PPME1: variants seen among roughly 807,000 people sequenced by gnomAD.
PPME1 encodes protein phosphatase methylesterase 1, also known as testicular secretory protein Li 39.
A neutral mutation model predicts 56.9 loss-of-function variants in PPME1; 17 were observed. That is an observed-to-expected ratio of 0.30 (90% CI 0.20 to 0.45). PPME1 has a LOEUF of 0.45. PPME1 is among the 20% of genes least tolerant of loss of function. The probability of loss-of-function intolerance (pLI) is 1.00; values close to 1 mark genes in which losing one functional copy is unlikely to be tolerated. For missense variants in PPME1, 357 were observed against 483.2 expected, an observed-to-expected ratio of 0.74 and a Z score of 2.45; for synonymous variants, 122 against 156.2, an observed-to-expected ratio of 0.78 and a Z score of 1.63.
intron 1 of PPME1, among the ~76,000 whole-genome samples, chr11:74,182,782 A>G (rs1238650667): frequency 6.6e-6 from 1 of 152,132 alleles, no homozygotes; most frequent in Non-Finnish European, 1.5e-5. Context: ...TGCTCTTTTA[A>G]CCACTAGGAA....
At chr11:74,181,443 C>G (rs554114136) in intron 1 of PPME1, among the ~76,000 whole-genome samples, 19 of 152,324 alleles carry the variant, frequency 1.2e-4, no homozygotes, top group Admixed American at 9.8e-4. Flanking sequence ...GCACCTATAA[C>G]AATTTTGGCA....
In PPME1 at chr11:74,246,107, T is replaced by C. The variant is rs1859496548; in HGVS notation, c.866T>C (p.Ile289Thr). The C allele has an allele frequency of 3.8e-6, 6 of 1,572,478 alleles. No individual in the cohort carries two copies. The highest frequency in any genetic ancestry group is 1.7e-4 in the Middle Eastern group (1 of 6,026). Residue 289 changes from isoleucine to threonine, a missense_variant, in exon 10 of 14, where the codon ATT (isoleucine) becomes ACT (threonine). Ile to Thr is a moderately conservative substitution (Grantham distance 89). Transcript: ENST00000328257. The part of the protein sequence containing the change: ...TKKDHPYTWR[I>T]ELAKTEKYWD... Reference sequence around the variant, plus strand: ...AAAGACCATCCATACACCTGGAGAATTGAACTGGCAAAAACAGAAAAATAC... The same window carrying C: ...AAAGACCATCCATACACCTGGAGAACTGAACTGGCAAAAACAGAAAAATAC...
intron 4 of PPME1, 40 bp from the exon 5 acceptor site, chr11:74,225,165 T>C: frequency 2.2e-6 from 3 of 1,336,720 alleles, no homozygotes; most frequent in South Asian, 2.6e-5. Context: ...TTATAATTCC[T>C]GTCTGTGGGA....
chr11:74,227,347 T>A (rs981628921), intron 5 of PPME1, among the ~76,000 whole-genome samples: 1 of 151,658 alleles, frequency 6.6e-6, no homozygotes, highest in South Asian at 2.1e-4. Context: ...ACCAAAAAAA[T>A]TTTTTAATGG....
At chr11:74,200,405 G>A (rs1157372749) in intron 1 of PPME1, among the ~76,000 whole-genome samples, 1 of 143,344 alleles carries the variant, frequency 7.0e-6, no homozygotes, top group Non-Finnish European at 1.5e-5. Context: ...GTGTGTGGAC[G>A]AAGTCTCGCT....
intron 1 of PPME1, among the ~76,000 whole-genome samples, chr11:74,175,268 C>T (rs1180990286): frequency 1.1e-4 from 16 of 152,010 alleles, no homozygotes; most frequent in Non-Finnish European, 1.2e-4. Flanking sequence ...TTTGGGAGGC[C>T]GAGGCGGGTG....
At chr11:74,178,503 GAGAGT>G (rs1274164474) in intron 1 of PPME1, among the ~76,000 whole-genome samples, 1 of 152,246 alleles carries the variant, frequency 6.6e-6, no homozygotes, top group Admixed American at 6.5e-5. Context: ...TTAGGGAAGA[GAGAGT>G]GGGAAGTGGG....
intron 3 of PPME1, among the ~76,000 whole-genome samples, chr11:74,213,688 C>T (rs1296154738): frequency 3.3e-5 from 5 of 152,232 alleles, no homozygotes; most frequent in Non-Finnish European, 7.3e-5. Context: ...GAATCTCTGT[C>T]TGGTAATCCA....
intron 1 of PPME1, among the ~76,000 whole-genome samples, chr11:74,176,954 C>T (rs1356757862): frequency 6.6e-6 from 1 of 151,934 alleles, no homozygotes; most frequent in African/African-American, 2.4e-5. Context: ...TGCTCTTGAA[C>T]TCCTGGCCCC....
At chr11:74,231,066 A>C in intron 7 of PPME1, 64 bp downstream of exon 7, 1 of 1,390,526 alleles carries the variant, frequency 7.2e-7, no homozygotes, top group South Asian at 1.2e-5. Context: ...TTGCTTATTT[A>C]TTTATTTAGG....
intron 4 of PPME1, among the ~76,000 whole-genome samples, chr11:74,223,945 T>G (rs1228788742): frequency 2.0e-5 from 3 of 151,446 alleles, no homozygotes; most frequent in African/African-American, 7.3e-5. Flanking sequence ...CTCTTTAGTT[T>G]AATTAGATCC....
chr11:74,244,098 G>A (rs1353834862), intron 9 of PPME1, among the ~76,000 whole-genome samples: 2 of 152,310 alleles, frequency 1.3e-5, no homozygotes, highest in African/African-American at 4.8e-5. Flanking sequence ...TATGCAGCAT[G>A]TGATAGCATT....
chr11:74,218,958 T>C (rs891642602), intron 3 of PPME1, among the ~76,000 whole-genome samples: 1 of 151,940 alleles, frequency 6.6e-6, no homozygotes, highest in African/African-American at 2.4e-5. Flanking sequence ...ACCCACAGAA[T>C]GGGAGAAAAT....
chr11:74,176,117 T>C (rs1330588449), intron 1 of PPME1, among the ~76,000 whole-genome samples: 1 of 152,248 alleles, frequency 6.6e-6, no homozygotes, highest in Non-Finnish European at 1.5e-5. Flanking sequence ...TTCCTGACAC[T>C]GACACATAAG....
intron 1 of PPME1, among the ~76,000 whole-genome samples, chr11:74,179,449 C>T (rs1049190346): frequency 2.6e-5 from 4 of 152,048 alleles, no homozygotes; most frequent in Admixed American, 6.6e-5. Flanking sequence ...GTGCTGTGAT[C>T]GTGCCACTGC....
At chr11:74,212,814 G>C (rs535927909) in intron 3 of PPME1, among the ~76,000 whole-genome samples, 2 of 152,082 alleles carry the variant, frequency 1.3e-5, no homozygotes, top group Non-Finnish European at 2.9e-5. Context: ...GCTGACTAAA[G>C]AGCCTTTGGG....
chr11:74,171,639 G>A (rs1857232730), intron 1 of PPME1, 117 bp downstream of exon 1: 10 of 1,317,698 alleles, frequency 7.6e-6, no homozygotes, highest in African/African-American at 1.5e-5. Flanking sequence ...AAATGTTGGC[G>A]GCCTGGAGAT....
chr11:74,251,318 G>T, intron 12 of PPME1: 1 of 1,362,004 alleles, frequency 7.3e-7, no homozygotes, highest in Non-Finnish European at 9.4e-7. Context: ...GGGATGATTA[G>T]GGTAGAAACT....
intron 3 of PPME1, among the ~76,000 whole-genome samples, chr11:74,213,135 G>A (rs1280301614): frequency 6.6e-6 from 1 of 152,166 alleles, no homozygotes; most frequent in Non-Finnish European, 1.5e-5. Context: ...AGGCCTGACA[G>A]CATTCACCAT....
Sources: allele counts gnomAD v4.1 joint callset (sites outside exome capture counted in the v4.1 genomes callset), GRCh38; gene constraint gnomAD v4.1.1; transcripts MANE v1.5; gene names NCBI Gene and HGNC (gene_info 2026-07-23, HGNC 2026-07-21).